AQP7B: variants seen among roughly 807,000 people sequenced by gnomAD.
The protein encoded by AQP7B is putative aquaporin-7B.
chr2:94,597,161 C>A, the AQP7B span, among the ~76,000 whole-genome samples: 1 of 152,268 alleles, frequency 6.6e-6, no homozygotes, highest in African/African-American at 2.4e-5. Context: ...CCTCTCTTAC[C>A]TCCCCACCTG....
the AQP7B span, among the ~76,000 whole-genome samples, chr2:94,593,778 G>A: frequency 6.6e-6 from 1 of 151,876 alleles, no homozygotes; most frequent in East Asian, 1.9e-4. Flanking sequence ...GAGCTACCGG[G>A]CCCAGCCCCT....
chr2:94,602,572 C>A, the AQP7B span: 2 of 1,601,788 alleles, frequency 1.2e-6, no homozygotes, highest in Non-Finnish European at 1.7e-6. Context: ...TGGGTTTTGG[C>A]TTCGGGGTCA....
the AQP7B span, chr2:94,594,710 C>A: frequency 6.9e-7 from 1 of 1,439,698 alleles, no homozygotes; most frequent in Non-Finnish European, 9.8e-7. Flanking sequence ...ACTTGAGTCT[C>A]CTTTCTGTCC....
At chr2:94,603,513 A>C in the AQP7B span, 1 of 1,603,862 alleles carries the variant, frequency 6.2e-7, no homozygotes, top group Non-Finnish European at 8.5e-7. Context: ...TCAGTGGTCC[A>C]GGATGAGTAC....
the AQP7B span, among the ~76,000 whole-genome samples, chr2:94,596,816 C>T: frequency 6.6e-6 from 1 of 152,194 alleles, no homozygotes; most frequent in Non-Finnish European, 1.5e-5. Context: ...TCTCTTGCCT[C>T]AGCCTCTTGA....
chr2:94,599,218 G>A, the AQP7B span, among the ~76,000 whole-genome samples: 1 of 152,174 alleles, frequency 6.6e-6, no homozygotes, highest in South Asian at 2.1e-4. Context: ...GACCCTGCTA[G>A]CCTGTCAACC....
chr2:94,587,889 C>T, the AQP7B span, among the ~76,000 whole-genome samples: 3 of 152,082 alleles, frequency 2.0e-5, no homozygotes, highest in South Asian at 6.2e-4. Context: ...AGATAAGAGT[C>T]TGTGCTGGAG....
chr2:94,592,690 C>A, the AQP7B span, among the ~76,000 whole-genome samples: 3 of 151,676 alleles, frequency 2.0e-5, no homozygotes, highest in Non-Finnish European at 4.4e-5. Context: ...ACAGAGCAGG[C>A]AACAACCAGC....
the AQP7B span, chr2:94,604,613 C>A: frequency 5.3e-6 from 8 of 1,518,210 alleles, no homozygotes; most frequent in Non-Finnish European, 7.1e-6. Flanking sequence ...CCCAATAAAG[C>A]AAAGCTTGTC....
At chr2:94,604,370 A>C in the AQP7B span, 1 of 1,611,462 alleles carries the variant, frequency 6.2e-7, no homozygotes, top group Non-Finnish European at 8.5e-7. Flanking sequence ...CCTGGTCTTC[A>C]TTGGCTCCAC....
chr2:94,600,703 C>A, the AQP7B span, among the ~76,000 whole-genome samples: 6 of 152,118 alleles, frequency 3.9e-5, no homozygotes, highest in Admixed American at 6.5e-5. Flanking sequence ...CATCGTGAAA[C>A]CCTGTCTCTA....
chr2:94,600,922 C>T, the AQP7B span, among the ~76,000 whole-genome samples: 8 of 151,846 alleles, frequency 5.3e-5, no homozygotes, highest in African/African-American at 1.7e-4. Context: ...GGCACATGCC[C>T]ATAGTCCCAA....
chr2:94,594,493 G>A, the AQP7B span, among the ~76,000 whole-genome samples: 27 of 152,176 alleles, frequency 1.8e-4, no homozygotes, highest in African/African-American at 6.3e-4. Flanking sequence ...TGGCCTCATT[G>A]GTGTGCCATT....
chr2:94,590,698 C>T, the AQP7B span, among the ~76,000 whole-genome samples: 2 of 151,924 alleles, frequency 1.3e-5, no homozygotes, highest in African/African-American at 4.8e-5. Context: ...ATCCCTGCAC[C>T]TTGGGAGGCT....
chr2:94,604,159 C>G, the AQP7B span: 141 of 976,996 alleles, frequency 1.4e-4, no homozygotes, highest in East Asian at 3.2e-3. Context: ...GACCAGGGCC[C>G]TGGGTTGGGG....
chr2:94,594,841 T>A, the AQP7B span: 248 of 1,553,796 alleles, frequency 1.6e-4, 4 homozygotes, highest in South Asian at 2.7e-3. Context: ...GCGAGAGTTC[T>A]TGGCCGAGTT....
chr2:94,604,331 C>T, the AQP7B span: 18 of 1,610,492 alleles, frequency 1.1e-5, no homozygotes, highest in Non-Finnish European at 1.5e-5. Context: ...GGCACCACTT[C>T]TGGGTGCCTC....
chr2:94,590,944 CAA>C, the AQP7B span, among the ~76,000 whole-genome samples: 152 of 49,080 alleles, frequency 3.1e-3, no homozygotes, highest in African/African-American at 8.3e-3. Flanking sequence ...GACCCTGTCT[CAA>C]AAAAAAAAAA....
At chr2:94,597,640 A>G in the AQP7B span, among the ~76,000 whole-genome samples, 2 of 139,688 alleles carry the variant, frequency 1.4e-5, no homozygotes, top group African/African-American at 5.4e-5. Context: ...TTTTTTTGAG[A>G]TACAGTCTTC....
Sources: gnomAD v4.1 joint callset for allele counts (sites outside exome capture counted in the v4.1 genomes callset) on GRCh38, gnomAD v4.1.1 for gene constraint, MANE v1.5 for transcripts, NCBI Gene and HGNC (gene_info 2026-07-23, HGNC 2026-07-21) for gene names.